MIPEP: variants seen among roughly 807,000 people sequenced by gnomAD.
MIPEP encodes mitochondrial intermediate peptidase.
In MIPEP, 79 loss-of-function variants were observed where a neutral mutation model predicts 90.3. That is an observed-to-expected ratio of 0.87 (90% CI 0.73 to 1.05). MIPEP has a LOEUF of 1.05. Among genes scored for constraint, MIPEP ranks in the 50% least tolerant of loss-of-function variants. MIPEP has a pLI of 0.00. For synonymous variants in MIPEP, 334 were observed against 315.8 expected (o/e 1.06, Z -0.61); for missense variants, 940 against 905.6 (o/e 1.04, Z -0.49).
intron 7 of MIPEP, among the ~76,000 whole-genome samples, chr13:23,868,335 C>G (rs879415910): frequency 2.6e-5 from 4 of 152,068 alleles, no homozygotes; most frequent in Non-Finnish European, 5.9e-5. Context: ...GTAGCTTAAC[C>G]GAGAGCCCTG....
At chr13:23,730,556 A>C (rs538539259) in intron 18 of MIPEP, 111 bp from the exon 19 acceptor site, 1 of 711,662 alleles carries the variant, frequency 1.4e-6, no homozygotes, top group Non-Finnish European at 2.5e-6. Flanking sequence ...CTGAATTAAG[A>C]CTCTGGCTGT....
chr13:23,818,456 A>G (rs1476329815), intron 14 of MIPEP, among the ~76,000 whole-genome samples: 4 of 151,954 alleles, frequency 2.6e-5, no homozygotes, highest in Non-Finnish European at 5.9e-5. Flanking sequence ...AAATGAATAA[A>G]TAAATAAATA....
chr13:23,775,121 G>C lies in MIPEP; in HGVS notation c.1849-14904C>G, dbSNP rs866284671. 6.4e-3 allele frequency among the ~76,000 whole-genome samples: 957 copies of C among 148,552 alleles called. 7 individuals are homozygous for C. Among genetic ancestry groups the C allele is most frequent in the African/African-American group, 0.011 (426 of 40,090 alleles). On this transcript the variant is annotated intron_variant, in intron 16 of 18. Transcript: ENST00000382172. ...GCCTATCAGTTCTCTGTGTGTGTGT[G>C]TGTGTGTGTGTGTGTGTGTGTGTGT...
intron 16 of MIPEP, among the ~76,000 whole-genome samples, chr13:23,761,920 T>G (rs573895999): frequency 6.6e-6 from 1 of 152,170 alleles, no homozygotes; most frequent in Non-Finnish European, 1.5e-5. Flanking sequence ...AGGCCAGGAA[T>G]TCGAGACCAG....
At chr13:23,767,324 A>C (rs1369633957) in intron 16 of MIPEP, among the ~76,000 whole-genome samples, 1 of 152,188 alleles carries the variant, frequency 6.6e-6, no homozygotes, top group Non-Finnish European at 1.5e-5. Context: ...AACTAATACC[A>C]ATATCTATTT....
chr13:23,799,809 C>T (rs1953012918), intron 16 of MIPEP, among the ~76,000 whole-genome samples: 1 of 152,218 alleles, frequency 6.6e-6, no homozygotes, highest in African/African-American at 2.4e-5. Context: ...CCTTCAGTCC[C>T]AGTAACTGCT....
In MIPEP at chr13:23,889,087, C is replaced by G. The variant is rs1871670139; in HGVS notation, c.189+45G>C. The G allele has an allele frequency of 2.9e-6, 4 of 1,366,970 alleles. No individual in the cohort carries two copies. The African/African-American group carries it at 6.1e-5, about 21-fold the overall frequency. 84.7% of individuals were successfully genotyped at this position (1,366,970 alleles called of 1,614,324 possible). A position where few individuals can be genotyped will look rare whatever the true frequency, so the allele number is the denominator to read the frequency against. On this transcript the variant is annotated intron_variant, in intron 1 of 18. Coordinates refer to ENST00000382172, the MANE Select transcript of MIPEP (RefSeq NM_005932.4). ...GTTGCTGGCCGCGCGGAGCAGGGGT[C>G]GGCTTAGCTCGGGGACTGAGGGGAG... is the stretch of plus-strand genomic sequence containing the variant.
chr13:23,744,567 T>C lies in MIPEP; in HGVS notation c.2044+11978A>G, dbSNP rs142280787. 1.5e-4 allele frequency among the ~76,000 whole-genome samples: 23 copies of C among 152,294 alleles called. No individual in the cohort carries two copies. In the East Asian group the frequency reaches 4.2e-3, roughly 28 times the overall value. On this transcript the variant is annotated intron_variant, in intron 18 of 18. Coordinates refer to ENST00000382172, the MANE Select transcript of MIPEP (RefSeq NM_005932.4). ...TTACTTATGCATCCCTTGGACTGTT[T>C]AGAGAATTAAATGAGATCATACAGC...
chr13:23,792,643 C>T (rs1952910326), intron 16 of MIPEP, among the ~76,000 whole-genome samples: 1 of 152,240 alleles, frequency 6.6e-6, no homozygotes, highest in Non-Finnish European at 1.5e-5. Context: ...CAGGTGTGAG[C>T]CACGATGTCT....
intron 10 of MIPEP, among the ~76,000 whole-genome samples, chr13:23,844,822 T>C (rs1006865203): frequency 2.6e-5 from 4 of 152,166 alleles, no homozygotes; most frequent in Non-Finnish European, 5.9e-5. Context: ...AAACAATTTA[T>C]CTTGGAAAAA....
chr13:23,730,447 T>C lies in MIPEP; in HGVS notation c.2045-2A>G, dbSNP rs911621764. The stretch of plus-strand genomic sequence containing the variant: ...CAGAAGGACACTTCTGAAGCATACC[T>C]GCAAACAAAGGAAAGGTCAGAACTG... On this transcript the variant is annotated splice_acceptor_variant, in intron 18 of 18. Transcript: ENST00000382172. LOFTEE classifies it high-confidence loss of function. 1 of 1,606,464 alleles carries C rather than the reference T, an allele frequency of 6.2e-7. No homozygotes were observed. Among genetic ancestry groups the C allele is most frequent in the Non-Finnish European group, 8.5e-7 (1 of 1,174,696 alleles).
chr13:23,876,766 T>G lies in MIPEP; in HGVS notation c.540-1857A>C, dbSNP rs141244429. On this transcript the variant is annotated intron_variant, in intron 4 of 18. Coordinates refer to ENST00000382172, the MANE Select transcript of MIPEP (RefSeq NM_005932.4). ...TTTATATAATAAAAATCAATGAATC[T>G]TTCTGTTGTATGAGTTTGTATCATG... Among the ~76,000 whole-genome samples the G allele has an allele frequency of 3.9e-4, 59 of 152,328 alleles. No individual in the cohort carries two copies. The East Asian group carries it at 0.01, about 26-fold the overall frequency.
At chr13:23,883,211 CTTTT>C (rs1047267456) in intron 2 of MIPEP, among the ~76,000 whole-genome samples, 1 of 148,334 alleles carries the variant, frequency 6.7e-6, no homozygotes. Context: ...CAAATCACAT[CTTTT>C]TTTTTTAAGT....
intron 5 of MIPEP, among the ~76,000 whole-genome samples, chr13:23,872,915 T>A (rs1351497541): frequency 6.6e-6 from 1 of 152,242 alleles, no homozygotes; most frequent in Non-Finnish European, 1.5e-5. Flanking sequence ...TGATTTGTCA[T>A]ACATTCACTC....
At chr13:23,767,619 T>G (rs1397559720) in intron 16 of MIPEP, among the ~76,000 whole-genome samples, 1 of 151,900 alleles carries the variant, frequency 6.6e-6, no homozygotes, top group Non-Finnish European at 1.5e-5. Flanking sequence ...GCCCAGCTAA[T>G]TTTTTTGTAT....
chr13:23,758,651 A>C (rs1952509929), intron 17 of MIPEP, among the ~76,000 whole-genome samples: 1 of 152,256 alleles, frequency 6.6e-6, no homozygotes, highest in Non-Finnish European at 1.5e-5. Flanking sequence ...AAATGTCTAC[A>C]GTCTGCAAAG....
At position 23,847,477 on chromosome 13, in the gene MIPEP, A is replaced by AAAC. The variant is rs1555239493; in HGVS notation, c.1107-5990_1107-5989insGTT. On this transcript the variant is annotated intron_variant, in intron 10 of 18. Coordinates refer to ENST00000382172, the MANE Select transcript of MIPEP (RefSeq NM_005932.4). ...TCAAATCCAAGCTAAAAAAAAAAAA[A>AAAC]AAACCCAAACAGAAAACTACAGACA... is the stretch of plus-strand genomic sequence containing the variant. 6.8e-4 allele frequency among the ~76,000 whole-genome samples: 104 copies of AAAC among 151,906 alleles called. No individual in the cohort carries two copies. In the East Asian group the frequency reaches 0.019, roughly 28 times the overall value.
At chr13:23,805,472 T>C (rs1953097723) in intron 16 of MIPEP, among the ~76,000 whole-genome samples, 1 of 152,174 alleles carries the variant, frequency 6.6e-6, no homozygotes, top group Non-Finnish European at 1.5e-5. Context: ...GTCTGGCGCC[T>C]AGAATCCAAT....
rs532512965 is a variant in MIPEP at position 23,745,753 on chromosome 13, G to A, written c.2044+10792C>T. 1.0e-3 allele frequency among the ~76,000 whole-genome samples: 153 copies of A among 151,878 alleles called. No homozygotes were observed. The Middle Eastern group carries it at 0.01, about 10-fold the overall frequency. ...GACCAGCCTGGCCAACATGGTGAAA[G>A]CCCATCTCTGCGAAAAATAAAAAAA... On this transcript the variant is annotated intron_variant, in intron 18 of 18. Coordinates refer to ENST00000382172, the MANE Select transcript of MIPEP (RefSeq NM_005932.4).
Sources: gnomAD v4.1 joint callset for allele counts (sites outside exome capture counted in the v4.1 genomes callset) on GRCh38, gnomAD v4.1.1 for gene constraint, MANE v1.5 for transcripts, NCBI Gene and HGNC (gene_info 2026-07-23, HGNC 2026-07-21) for gene names.